The following MAST4 variants were observed in gnomAD, a reference collection of about 807,000 sequenced individuals.
MAST4 encodes microtubule-associated serine/threonine-protein kinase 4.
In MAST4, 89 loss-of-function variants were observed where a neutral mutation model predicts 162.7. The observed-to-expected ratio is 0.55, with a 90% CI of 0.46 to 0.65. The LOEUF is 0.65. Among genes scored for constraint, MAST4 ranks in the 30% least tolerant of loss-of-function variants. The pLI, the probability that MAST4 is intolerant of heterozygous loss-of-function variation, is 0.00. For synonymous variants in MAST4, 1,479 were observed against 1,361.1 expected, an observed-to-expected ratio of 1.09 and a Z score of -1.91; for missense variants, 3,153 against 3,374.0, an observed-to-expected ratio of 0.93 and a Z score of 1.62.
intron 4 of MAST4, among the ~76,000 whole-genome samples, chr5:67,038,777 A>G (rs574465097): frequency 2.0e-5 from 3 of 152,300 alleles, no homozygotes; most frequent in Non-Finnish European, 4.4e-5. Flanking sequence ...TTTGAAATAC[A>G]TAGCATCAAA....
intron 3 of MAST4, among the ~76,000 whole-genome samples, chr5:66,839,204 G>T (rs1758247453): frequency 6.6e-6 from 1 of 152,150 alleles, no homozygotes; most frequent in South Asian, 2.1e-4. Context: ...AAGAGCAAGA[G>T]ATAAATGTGA....
intron 21 of MAST4, among the ~76,000 whole-genome samples, 200 bp from the exon 22 acceptor site, chr5:67,144,469 C>T (rs993601137): frequency 1.3e-5 from 2 of 151,768 alleles, no homozygotes; most frequent in Non-Finnish European, 2.9e-5. Flanking sequence ...CACACACACA[C>T]ACACACACAC....
intron 4 of MAST4, among the ~76,000 whole-genome samples, chr5:67,036,303 G>A (rs1756010781): frequency 6.6e-6 from 1 of 152,052 alleles, no homozygotes; most frequent in African/African-American, 2.4e-5. Context: ...GCTTTTCTTT[G>A]TAAAACTCAC....
chr5:67,051,030 G>A (rs1426245868), intron 4 of MAST4, among the ~76,000 whole-genome samples: 2 of 152,134 alleles, frequency 1.3e-5, no homozygotes, highest in Non-Finnish European at 2.9e-5. Flanking sequence ...TCATGTCCCT[G>A]TATCCCTGAG....
At chr5:67,071,580 C>T (rs1029260135) in intron 5 of MAST4, among the ~76,000 whole-genome samples, 2 of 152,030 alleles carry the variant, frequency 1.3e-5, no homozygotes, top group African/African-American at 4.8e-5. Flanking sequence ...ACCAATATGG[C>T]AAAACCCCGT....
At chr5:66,858,239 A>T (rs1159664889) in intron 3 of MAST4, among the ~76,000 whole-genome samples, 1 of 152,198 alleles carries the variant, frequency 6.6e-6, no homozygotes, top group Admixed American at 6.5e-5. Flanking sequence ...TCCTGGGCTC[A>T]AGTGATCCTC....
intron 1 of MAST4, among the ~76,000 whole-genome samples, chr5:66,751,355 A>G (rs373855337): frequency 1.1e-4 from 16 of 152,360 alleles, no homozygotes; most frequent in Admixed American, 2.6e-4. Flanking sequence ...TCTGAGCTAC[A>G]GGAGGACATT....
intron 4 of MAST4, among the ~76,000 whole-genome samples, chr5:66,945,679 G>C (rs1035267403): frequency 6.6e-6 from 1 of 152,128 alleles, no homozygotes; most frequent in Non-Finnish European, 1.5e-5. Flanking sequence ...ATTTGGTAGG[G>C]AAAGCTTCTA....
At chr5:66,603,768 C>A (rs942784794) in intron 1 of MAST4, among the ~76,000 whole-genome samples, 4 of 152,164 alleles carry the variant, frequency 2.6e-5, no homozygotes, top group African/African-American at 9.7e-5. Flanking sequence ...GCAGTGATTG[C>A]AGTTCACTTC....
chr5:66,717,701 C>G (rs888218639), intron 1 of MAST4, among the ~76,000 whole-genome samples: 18 of 152,202 alleles, frequency 1.2e-4, no homozygotes, highest in Non-Finnish European at 2.4e-4. Context: ...TAAATTCTTT[C>G]TAGCATTGAA....
At chr5:67,043,622 G>A (rs1036350096) in intron 4 of MAST4, among the ~76,000 whole-genome samples, 2 of 152,122 alleles carry the variant, frequency 1.3e-5, no homozygotes, top group East Asian at 1.9e-4. Flanking sequence ...AATTTTAACA[G>A]TAGGACTTTG....
chr5:67,109,442 C>T (rs1236435784), intron 10 of MAST4, among the ~76,000 whole-genome samples: 3 of 151,910 alleles, frequency 2.0e-5, no homozygotes, highest in Admixed American at 6.6e-5. Context: ...GATGAGACTT[C>T]GATCCCCTCC....
At chr5:67,023,130 G>A (rs993126301) in intron 4 of MAST4, among the ~76,000 whole-genome samples, 2 of 152,114 alleles carry the variant, frequency 1.3e-5, no homozygotes, top group African/African-American at 4.8e-5. Context: ...ATTAGAATAT[G>A]AATAGGAAGG....
At position 66,596,972 on chromosome 5, in the gene MAST4, C is replaced by T. The variant is rs1742219775; in HGVS notation, c.317C>T (p.Pro106Leu). The T allele has an allele frequency of 4.8e-6, 7 of 1,449,084 alleles. No individual in the cohort carries two copies. The highest frequency in any genetic ancestry group is 2.5e-5 in the Admixed American group (1 of 39,288). The allele number at this position is 1,449,084 out of a possible 1,614,324, so 89.8% of individuals were successfully genotyped here. A position where few individuals can be genotyped will look rare whatever the true frequency, so the allele number is the denominator to read the frequency against. ...PPPLPGGAVP[P>L]APRGSSASQE... Reference sequence around the variant, plus strand: ...CCGCTTCCCGGAGGAGCTGTGCCGCCCGCGCCCCGGGGCAGCAGCGCGTCC... The same window carrying T: ...CCGCTTCCCGGAGGAGCTGTGCCGCTCGCGCCCCGGGGCAGCAGCGCGTCC... The change falls in exon 1 of 29, where the codon CCC becomes CTC. Residue 106 changes from proline (P) to leucine (L), a missense_variant. Physicochemically the swap from Pro to Leu is moderately conservative, Grantham distance 98 (BLOSUM62 -3). Transcript: ENST00000403625.
In MAST4 at chr5:67,163,098, A is replaced by G; in HGVS notation, c.3968-49A>G. 1 of 1,550,328 alleles carries G rather than the reference A, an allele frequency of 6.5e-7. No homozygotes were observed. ...AGTCTGGGCTACAACTGTGAAAAAA[A>G]GGGGAAAATGACCATGGATGCTCAC... On this transcript the variant is annotated intron_variant, in intron 28 of 28. Coordinates refer to ENST00000403625, the MANE Select transcript of MAST4 (RefSeq NM_001164664.2). The surrounding 1 kb of genome is among the most constrained non-coding windows in gnomAD (Gnocchi z 7.0).
intron 4 of MAST4, among the ~76,000 whole-genome samples, chr5:66,993,589 A>G (rs1429900510): frequency 1.3e-5 from 2 of 152,182 alleles, no homozygotes; most frequent in East Asian, 3.9e-4. Context: ...CTCATGCTTG[A>G]AAGATGTGCA....
At chr5:66,944,245 A>G (rs1053500579) in intron 4 of MAST4, among the ~76,000 whole-genome samples, 29 of 152,262 alleles carry the variant, frequency 1.9e-4, no homozygotes, top group African/African-American at 7.0e-4. Flanking sequence ...TTGGTCCTGA[A>G]TTGCCTTATA....
At chr5:66,921,672 T>C (rs1366792639) in intron 4 of MAST4, among the ~76,000 whole-genome samples, 2 of 152,182 alleles carry the variant, frequency 1.3e-5, no homozygotes, top group Non-Finnish European at 2.9e-5. Flanking sequence ...GGTGGGAGGA[T>C]GGCTTGAGCC....
chr5:67,136,118 C>T (rs1229539006), intron 18 of MAST4, among the ~76,000 whole-genome samples: 1 of 151,930 alleles, frequency 6.6e-6, no homozygotes, highest in Non-Finnish European at 1.5e-5. Context: ...ATGGCTGTGG[C>T]CAAATTCTCA....
Sources: gnomAD v4.1 joint callset for allele counts (sites outside exome capture counted in the v4.1 genomes callset) on GRCh38, gnomAD v4.1.1 for gene constraint, Gnocchi (gnomAD v3.1) non-coding constraint, MANE v1.5 for transcripts, NCBI Gene and HGNC (gene_info 2026-07-23, HGNC 2026-07-21) for gene names.